Variants in SLC12A7 observed in about 807,000 individuals in gnomAD.
SLC12A7 encodes solute carrier family 12 member 7.
A neutral mutation model predicts 120.6 loss-of-function variants in SLC12A7; 100 were observed. The ratio of observed to expected loss-of-function variants is 0.83; its 90% CI spans 0.71 to 0.98. The LOEUF (loss-of-function observed/expected upper bound fraction) is 0.98, where lower values mean the gene tolerates loss of function less well. Among genes scored for constraint, SLC12A7 ranks in the 50% least tolerant of loss-of-function variants. The pLI is 0.00. For missense variants in SLC12A7, 1,373 were observed against 1,548.1 expected (o/e 0.89, Z 1.90); for synonymous variants, 760 against 678.0 (o/e 1.12, Z -1.88).
At chr5:1,076,918 A>G (rs1448231759) in intron 12 of SLC12A7, 106 bp from the exon 13 acceptor site, 6 of 786,134 alleles carry the variant, frequency 7.6e-6, no homozygotes, top group Admixed American at 7.3e-5. Flanking sequence ...GACACAGACC[A>G]GCAGAAACGC....
At chr5:1,149,382 G>T in the SLC12A7 span, among the ~76,000 whole-genome samples, 1 of 152,088 alleles carries the variant, frequency 6.6e-6, no homozygotes, top group Non-Finnish European at 1.5e-5. Context: ...TTCGAGACCA[G>T]CCTGGCCAAC....
upstream of SLC12A7, among the ~76,000 whole-genome samples, chr5:1,114,691 C>T (rs1289842259): frequency 5.3e-5 from 8 of 152,126 alleles, no homozygotes; most frequent in Non-Finnish European, 1.0e-4. Flanking sequence ...CAGGCCTCTG[C>T]GTCTCCTGGA....
At chr5:1,099,042 G>A (rs1579428899) in intron 1 of SLC12A7, among the ~76,000 whole-genome samples, 1 of 152,074 alleles carries the variant, frequency 6.6e-6, no homozygotes, top group Admixed American at 6.5e-5. Flanking sequence ...AAGGTGAGAT[G>A]GGCAGGGTCC....
chr5:1,053,225 G>C (rs1735243271), intron 23 of SLC12A7, 124 bp downstream of exon 23: 1 of 1,279,056 alleles, frequency 7.8e-7, no homozygotes, highest in East Asian at 2.5e-5. Flanking sequence ...GTAGCTCCCA[G>C]AGCCTGGGGC....
chr5:1,061,641 A>T (rs1031465302), intron 20 of SLC12A7, among the ~76,000 whole-genome samples: 9 of 152,192 alleles, frequency 5.9e-5, no homozygotes, highest in African/African-American at 2.2e-4. Context: ...GTGCCTGTTA[A>T]GCACCAGTAT....
chr5:1,095,970 C>T (rs1457047135), intron 1 of SLC12A7, among the ~76,000 whole-genome samples: 1 of 152,156 alleles, frequency 6.6e-6, no homozygotes, highest in African/African-American at 2.4e-5. Context: ...AGCGGCCCCA[C>T]CCCTCAAAAA....
At chr5:1,111,328 C>G (rs995122750) in intron 1 of SLC12A7, among the ~76,000 whole-genome samples, 3 of 152,284 alleles carry the variant, frequency 2.0e-5, no homozygotes, top group Middle Eastern at 3.4e-3. Flanking sequence ...AGCAAGGCCC[C>G]GGTGGCTGCC....
chr5:1,073,887 G>C, intron 16 of SLC12A7, 86 bp from the exon 17 acceptor site: 5 of 1,253,152 alleles, frequency 4.0e-6, no homozygotes, highest in Non-Finnish European at 5.1e-6. Flanking sequence ...GGACGGGCGG[G>C]GCACACGACA....
At chr5:1,132,860 T>A in the SLC12A7 span, among the ~76,000 whole-genome samples, 18 of 152,162 alleles carry the variant, frequency 1.2e-4, no homozygotes, top group African/African-American at 4.3e-4. Flanking sequence ...CAGCACAAAT[T>A]TCAGATAAAT....
the SLC12A7 span, among the ~76,000 whole-genome samples, chr5:1,144,473 C>T: frequency 6.6e-6 from 1 of 152,234 alleles, no homozygotes. Context: ...CCAGCATCAT[C>T]ATGACAATTT....
chr5:1,057,446 C>CCAGGCCACACGCACGGACACTCACGGCTT, intron 22 of SLC12A7, 25 bp downstream of exon 22: 1 of 1,592,726 alleles, frequency 6.3e-7, no homozygotes, highest in Non-Finnish European at 8.5e-7. Context: ...TCTGTTCCCC[C>CCAGGCCACACGCACGGACACTCACGGCTT]CAGGCCACAC....
Position 1,052,959 on chromosome 5 carries a change from A to G in SLC12A7, c.3160+390T>C, listed in dbSNP as rs117279826. Among the ~76,000 whole-genome samples the G allele has an allele frequency of 9.9e-3, 1,502 of 152,318 alleles. 21 individuals are homozygous for G. Among genetic ancestry groups the G allele is most frequent in the East Asian group, 0.044 (226 of 5,170 alleles). ...CAAAGCTGCGACCAATTGTGGCCTT[A>G]AAGCCGAGAGCTGGGCTCCTCACCT... On this transcript the variant is annotated intron_variant, in intron 23 of 23. Transcript: ENST00000264930.
intron 17 of SLC12A7, among the ~76,000 whole-genome samples, chr5:1,065,804 G>C (rs149696300): frequency 1.3e-5 from 2 of 152,002 alleles, no homozygotes; most frequent in African/African-American, 4.8e-5. Flanking sequence ...CAGTTCACTC[G>C]GACGCTCTGG....
chr5:1,075,277 AGGGAGG>A, intron 15 of SLC12A7, 88 bp downstream of exon 15: 1 of 1,504,616 alleles, frequency 6.6e-7, no homozygotes, highest in Non-Finnish European at 9.0e-7. Flanking sequence ...CTCAAGCCCC[AGGGAGG>A]CCCCTCCAGG....
intron 8 of SLC12A7, 116 bp downstream of exon 8, chr5:1,083,629 G>A: frequency 9.2e-7 from 1 of 1,092,444 alleles, no homozygotes; most frequent in Non-Finnish European, 1.3e-6. Flanking sequence ...AAGGGGCTCG[G>A]CCAGGCAGGA....
the SLC12A7 span, among the ~76,000 whole-genome samples, chr5:1,126,137 G>A: frequency 6.6e-6 from 1 of 152,068 alleles, no homozygotes; most frequent in Admixed American, 6.6e-5. Flanking sequence ...GCTGGATGCA[G>A]TGGTATGATC....
At chr5:1,111,510 C>A (rs1743006774) in intron 1 of SLC12A7, among the ~76,000 whole-genome samples, 1 of 152,124 alleles carries the variant, frequency 6.6e-6, no homozygotes, top group African/African-American at 2.4e-5. Context: ...CCGAACCGCC[C>A]GGGTCTCCAC....
intron 17 of SLC12A7, among the ~76,000 whole-genome samples, chr5:1,070,021 C>T (rs201885732): frequency 0.011 from 528 of 48,274 alleles, 12 homozygotes; most frequent in African/African-American, 0.029. Context: ...AGCACACGGG[C>T]ATCACACTTA....
upstream of SLC12A7, among the ~76,000 whole-genome samples, chr5:1,112,800 G>A (rs888498096): frequency 1.3e-5 from 2 of 149,674 alleles, no homozygotes; most frequent in East Asian, 4.1e-4. Flanking sequence ...AGGAGCCTTG[G>A]ATAGCCTGGG....
Sources: gnomAD v4.1 joint callset for allele counts (sites outside exome capture counted in the v4.1 genomes callset) on GRCh38, gnomAD v4.1.1 for gene constraint, MANE v1.5 for transcripts, NCBI Gene and HGNC (gene_info 2026-07-23, HGNC 2026-07-21) for gene names.